The following NRXN3 variants were observed in gnomAD, a reference collection of about 807,000 sequenced individuals.
The protein encoded by NRXN3 is neurexin III.
A neutral mutation model predicts 137.6 loss-of-function variants in NRXN3; 32 were observed. The ratio of observed to expected loss-of-function variants is 0.23; its 90% CI spans 0.18 to 0.31. The LOEUF is 0.31. Among genes scored for constraint, NRXN3 ranks in the 10% least tolerant of loss-of-function variants. The pLI, the probability that NRXN3 is intolerant of heterozygous loss-of-function variation, is 1.00. For missense variants in NRXN3, 1,574 were observed against 2,062.5 expected, an observed-to-expected ratio of 0.76 and a Z score of 4.59; for synonymous variants, 798 against 784.5, an observed-to-expected ratio of 1.02 and a Z score of -0.29.
intron 16 of NRXN3, among the ~76,000 whole-genome samples, chr14:79,494,674 T>A (rs1601174106): frequency 6.6e-6 from 1 of 152,222 alleles, no homozygotes; most frequent in Admixed American, 6.5e-5. Flanking sequence ...AAACTTTTTA[T>A]CGTGAAATAA....
intron 3 of NRXN3, among the ~76,000 whole-genome samples, chr14:78,291,456 C>G (rs770446564): frequency 1.3e-5 from 2 of 152,200 alleles, no homozygotes; most frequent in African/African-American, 2.4e-5. Flanking sequence ...TGTATTTCAA[C>G]TGGAAGATGA....
chr14:78,478,346 A>G (rs2095415304), intron 4 of NRXN3, among the ~76,000 whole-genome samples: 1 of 152,320 alleles, frequency 6.6e-6, no homozygotes, highest in East Asian at 1.9e-4. Context: ...TGTGGGGCCA[A>G]CATGGAATGC....
intron 19 of NRXN3, among the ~76,000 whole-genome samples, chr14:79,738,922 T>C (rs1382323484): frequency 1.3e-5 from 2 of 152,162 alleles, no homozygotes; most frequent in Admixed American, 6.5e-5. Flanking sequence ...AGGAAACTAA[T>C]ACAATACTTG....
intron 4 of NRXN3, among the ~76,000 whole-genome samples, chr14:78,455,477 G>C (rs552725607): frequency 1.3e-5 from 2 of 152,338 alleles, no homozygotes; most frequent in South Asian, 4.1e-4. Flanking sequence ...CTGGGTGCTT[G>C]CTTGTCTGAG....
chr14:79,317,534 C>G (rs980931569), intron 15 of NRXN3, among the ~76,000 whole-genome samples: 1 of 152,084 alleles, frequency 6.6e-6, no homozygotes, highest in African/African-American at 2.4e-5. Flanking sequence ...TGTAGTGACC[C>G]TATTTCCAAA....
chr14:78,251,417 C>T (rs532510719), intron 2 of NRXN3, among the ~76,000 whole-genome samples: 23 of 152,290 alleles, frequency 1.5e-4, no homozygotes, highest in African/African-American at 5.1e-4. Context: ...GTCTCCACAC[C>T]TAATTTTGTA....
At chr14:78,836,652 T>A (rs1025108643) in intron 10 of NRXN3, among the ~76,000 whole-genome samples, 2 of 152,194 alleles carry the variant, frequency 1.3e-5, no homozygotes, top group Non-Finnish European at 2.9e-5. Context: ...CAGCATAACC[T>A]GTGTCCTCCA....
intron 4 of NRXN3, among the ~76,000 whole-genome samples, chr14:78,392,720 T>TTATC (rs376246018): frequency 4.7e-4 from 72 of 152,284 alleles, no homozygotes; most frequent in African/African-American, 1.6e-3. Flanking sequence ...GTATTTTATA[T>TTATC]TATCATTATT....
chr14:79,219,633 C>T (rs1000877640), intron 15 of NRXN3, among the ~76,000 whole-genome samples: 1 of 152,162 alleles, frequency 6.6e-6, no homozygotes, highest in African/African-American at 2.4e-5. Flanking sequence ...CTTAAGATCT[C>T]TACAAAAGGA....
intron 20 of NRXN3, among the ~76,000 whole-genome samples, chr14:79,839,739 T>C (rs868470755): frequency 1.3e-5 from 2 of 152,194 alleles, no homozygotes; most frequent in Non-Finnish European, 1.5e-5. Flanking sequence ...TCTTATAGCA[T>C]TTCCCCAATG....
At chr14:78,644,600 C>T (rs910875972) in intron 4 of NRXN3, among the ~76,000 whole-genome samples, 1 of 152,162 alleles carries the variant, frequency 6.6e-6, no homozygotes, top group African/African-American at 2.4e-5. Context: ...GGGCTTAGGA[C>T]TGTATTATAG....
chr14:79,167,162 A>G (rs953425910), intron 15 of NRXN3, among the ~76,000 whole-genome samples: 1 of 152,058 alleles, frequency 6.6e-6, no homozygotes, highest in African/African-American at 2.4e-5. Flanking sequence ...TGAATGTTAC[A>G]GTGATGGTGG....
chr14:79,745,939 G>C (rs2098978367), intron 19 of NRXN3, among the ~76,000 whole-genome samples: 1 of 151,984 alleles, frequency 6.6e-6, no homozygotes, highest in African/African-American at 2.4e-5. Context: ...AGTTATATTG[G>C]CTTAGGGTCT....
chr14:79,412,782 C>CTAAA (rs2095437199), intron 15 of NRXN3, among the ~76,000 whole-genome samples: 1 of 59,736 alleles, frequency 1.7e-5, no homozygotes, highest in Non-Finnish European at 3.0e-5. Flanking sequence ...GACTCTGTCT[C>CTAAA]AAAAAAAAAA....
intron 5 of NRXN3, among the ~76,000 whole-genome samples, chr14:78,648,420 A>G (rs541506949): frequency 6.6e-6 from 1 of 152,210 alleles, no homozygotes; most frequent in Non-Finnish European, 1.5e-5. Flanking sequence ...AATTACATAA[A>G]AGCTTGAAAA....
At chr14:79,395,030 CT>C (rs1387935085) in intron 15 of NRXN3, among the ~76,000 whole-genome samples, 2 of 152,168 alleles carry the variant, frequency 1.3e-5, no homozygotes, top group African/African-American at 4.8e-5. Flanking sequence ...TAGAATTTAG[CT>C]TTAGCCTCAA....
At chr14:79,549,084 G>C (rs2097349333) in intron 16 of NRXN3, among the ~76,000 whole-genome samples, 1 of 152,080 alleles carries the variant, frequency 6.6e-6, no homozygotes, top group Non-Finnish European at 1.5e-5. Context: ...GAGTGATGAG[G>C]AGTGCTCTCT....
chr14:79,401,345 G>A lies in NRXN3; in HGVS notation c.3263-65876G>A, dbSNP rs562807178. Among the ~76,000 whole-genome samples, 32 of 152,166 alleles carry A rather than the reference G, an allele frequency of 2.1e-4. 1 individual carries two copies. Among genetic ancestry groups the A allele is most frequent in the Middle Eastern group, 3.4e-3 (1 of 294 alleles). ...TGTACTTAGAAAAGTGGAAATTAATGTATGGTTCCTGGACAGGCAGCACCA... is the reference window on the plus strand; with the variant it reads ...TGTACTTAGAAAAGTGGAAATTAATATATGGTTCCTGGACAGGCAGCACCA... On this transcript the variant is annotated intron_variant, in intron 15 of 20. Transcript: ENST00000335750.
intron 15 of NRXN3, among the ~76,000 whole-genome samples, chr14:79,022,243 G>T (rs927996999): frequency 6.6e-6 from 1 of 152,240 alleles, no homozygotes; most frequent in East Asian, 1.9e-4. Flanking sequence ...TCTTTTCCAG[G>T]TTTACTGCAA....
Sources: gnomAD v4.1 joint callset for allele counts (sites outside exome capture counted in the v4.1 genomes callset) on GRCh38, gnomAD v4.1.1 for gene constraint, MANE v1.5 for transcripts, NCBI Gene and HGNC (gene_info 2026-07-23, HGNC 2026-07-21) for gene names.